The following GSK3B variants were observed in gnomAD, a reference collection of about 807,000 sequenced individuals.
GSK3B encodes the protein glycogen synthase kinase-3 beta.
A neutral mutation model predicts 56.4 loss-of-function variants in GSK3B; 15 were observed. The observed-to-expected ratio is 0.27, with a 90% CI of 0.18 to 0.41. The LOEUF is 0.41. GSK3B is among the 10% of genes least tolerant of loss of function. The pLI, the probability that GSK3B is intolerant of heterozygous loss-of-function variation, is 1.00. For missense variants in GSK3B, 300 were observed against 513.4 expected, an observed-to-expected ratio of 0.58 and a Z score of 4.02; for synonymous variants, 181 against 188.9, an observed-to-expected ratio of 0.96 and a Z score of 0.34.
At chr3:119,961,222 C>A (rs1251618879) in intron 2 of GSK3B, among the ~76,000 whole-genome samples, 1 of 152,158 alleles carries the variant, frequency 6.6e-6, no homozygotes, top group Non-Finnish European at 1.5e-5. Context: ...GCCCTATCCT[C>A]ACAGGGCCAG....
At chr3:119,884,318 G>C (rs2056411051) in intron 7 of GSK3B, among the ~76,000 whole-genome samples, 2 of 152,288 alleles carry the variant, frequency 1.3e-5, no homozygotes, top group South Asian at 4.1e-4. Flanking sequence ...GAGGTCACGG[G>C]AAGAGCAAGC....
intron 9 of GSK3B, among the ~76,000 whole-genome samples, chr3:119,858,608 T>C (rs184539147): frequency 7.7e-4 from 117 of 152,304 alleles, no homozygotes; most frequent in African/African-American, 2.7e-3. Flanking sequence ...TACTTCTTTG[T>C]GTGTTCACTG....
intron 2 of GSK3B, among the ~76,000 whole-genome samples, chr3:119,954,398 G>C (rs963262278): frequency 4.4e-5 from 6 of 137,466 alleles, no homozygotes; most frequent in African/African-American, 1.9e-4. Context: ...TTTACATACA[G>C]TAAGGGTTTT....
intron 7 of GSK3B, among the ~76,000 whole-genome samples, chr3:119,878,685 T>C (rs1013015886): frequency 2.6e-5 from 4 of 152,146 alleles, no homozygotes; most frequent in Admixed American, 2.0e-4. Context: ...TTTTTTTAAC[T>C]GCTAAACAGT....
At chr3:120,042,225 C>A (rs80078315) in intron 1 of GSK3B, among the ~76,000 whole-genome samples, 26 of 152,266 alleles carry the variant, frequency 1.7e-4, no homozygotes, top group African/African-American at 6.0e-4. Context: ...TCCTTACCTT[C>A]CTCCTCCTAC....
chr3:119,840,153 T>A (rs1408541508), intron 10 of GSK3B, among the ~76,000 whole-genome samples: 2 of 152,146 alleles, frequency 1.3e-5, no homozygotes, highest in African/African-American at 4.8e-5. Context: ...TAGGTTCTTT[T>A]GTCATAAGAG....
chr3:119,878,096 T>A (rs1235674274), intron 7 of GSK3B, among the ~76,000 whole-genome samples: 1 of 152,220 alleles, frequency 6.6e-6, no homozygotes, highest in Non-Finnish European at 1.5e-5. Context: ...TTGTTGGTTC[T>A]AATTCTCTAG....
At chr3:119,943,422 G>T (rs1246742378) in intron 3 of GSK3B, among the ~76,000 whole-genome samples, 4 of 152,082 alleles carry the variant, frequency 2.6e-5, no homozygotes, top group South Asian at 4.1e-4. Flanking sequence ...TGAGGCAAGA[G>T]AAAAAAATCT....
At chr3:120,049,548 C>T (rs914696145) in intron 1 of GSK3B, among the ~76,000 whole-genome samples, 3 of 152,150 alleles carry the variant, frequency 2.0e-5, no homozygotes, top group African/African-American at 7.2e-5. Flanking sequence ...AAAGCATATA[C>T]TAGAGACAAA....
chr3:119,874,545 A>C (rs1008410686), intron 8 of GSK3B, among the ~76,000 whole-genome samples: 3 of 151,918 alleles, frequency 2.0e-5, no homozygotes, highest in Non-Finnish European at 4.4e-5. Context: ...AAATAATAAT[A>C]ATAATAATGG....
chr3:119,953,020 A>G (rs147645856), intron 2 of GSK3B, among the ~76,000 whole-genome samples: 232 of 152,286 alleles, frequency 1.5e-3, no homozygotes, highest in Middle Eastern at 3.4e-3. Context: ...AGTTGGGTTT[A>G]TAACGTAAAT....
At chr3:119,933,780 G>A (rs1010461434) in intron 3 of GSK3B, among the ~76,000 whole-genome samples, 4 of 152,220 alleles carry the variant, frequency 2.6e-5, no homozygotes, top group Non-Finnish European at 5.9e-5. Context: ...GGGAGGCCAA[G>A]GCAGGAGAAT....
intron 2 of GSK3B, among the ~76,000 whole-genome samples, chr3:119,949,088 G>A (rs1260992907): frequency 2.6e-5 from 4 of 152,160 alleles, no homozygotes; most frequent in African/African-American, 9.7e-5. Flanking sequence ...ATAACATACA[G>A]CTATTAAGAC....
At chr3:119,983,478 G>A (rs756297803) in intron 2 of GSK3B, among the ~76,000 whole-genome samples, 36 of 150,858 alleles carry the variant, frequency 2.4e-4, no homozygotes, top group Non-Finnish European at 1.5e-4. Flanking sequence ...ATGCAAAGAC[G>A]CACACAGACT....
In GSK3B at chr3:120,081,255, G is replaced by GA. The variant is rs764944320; in HGVS notation, c.88+12091dup. On this transcript the variant is annotated intron_variant, in intron 1 of 10. Coordinates refer to ENST00000264235, the MANE Select transcript of GSK3B (RefSeq NM_001146156.2). ...CCTACTATCATTCCTTCACATTTAA[G>GA]AAAAAAAAAAAAAACAGGGTCGGGC... 8.8e-3 allele frequency among the ~76,000 whole-genome samples: 1,119 copies of GA among 127,280 alleles called. 2 individuals carry two copies. Among genetic ancestry groups the GA allele is most frequent in the African/African-American group, 0.018 (630 of 34,694 alleles). The allele number at this position is 127,280 out of a possible 152,430, so 83.5% of individuals were successfully genotyped here. A position where few individuals can be genotyped will look rare whatever the true frequency, so the allele number is the denominator to read the frequency against.
chr3:119,963,140 G>A (rs1391875451), intron 2 of GSK3B, among the ~76,000 whole-genome samples: 5 of 152,126 alleles, frequency 3.3e-5, no homozygotes, highest in African/African-American at 1.2e-4. Context: ...ACTTAACCAA[G>A]GAGGTGAAAG....
At chr3:120,077,207 A>G (rs2058374142) in intron 1 of GSK3B, among the ~76,000 whole-genome samples, 1 of 152,220 alleles carries the variant, frequency 6.6e-6, no homozygotes, top group Admixed American at 6.5e-5. Context: ...CTTCGTAAAG[A>G]TATCTGCATT....
rs190220041 is a variant in GSK3B at position 119,975,138 on chromosome 3, T to C, written c.282+26908A>G. On this transcript the variant is annotated intron_variant, in intron 2 of 10. Transcript: ENST00000264235. Reference sequence around the variant, plus strand: ...TGATATATCCATAAATAAAATATTATTCAGCACTAGAAAGAAATGAGCTAT... The same window carrying C: ...TGATATATCCATAAATAAAATATTACTCAGCACTAGAAAGAAATGAGCTAT... Among the ~76,000 whole-genome samples, 72 of 152,270 alleles carry C rather than the reference T, an allele frequency of 4.7e-4. No homozygotes were observed. In the East Asian group the frequency reaches 0.011, roughly 22 times the overall value.
In GSK3B at chr3:119,822,025, C is replaced by G. The variant is rs1462216390; in HGVS notation, c.*4763G>C. 1 of 192,518 alleles carries G rather than the reference C, an allele frequency of 5.2e-6. No homozygotes were observed. Among genetic ancestry groups the G allele is most frequent in the African/African-American group, 2.3e-5 (1 of 42,906 alleles). The allele number at this position is 192,518 out of a possible 1,614,324, so 11.9% of individuals were successfully genotyped here. A position where few individuals can be genotyped will look rare whatever the true frequency, so the allele number is the denominator to read the frequency against. ...ACAGTACCAGTTAACTATTTCCAAA[C>G]CAAGTCACATAGAACAAAATGTATT... On this transcript the variant is annotated 3_prime_UTR_variant, in exon 11 of 11. Transcript: ENST00000264235.
Sources: allele counts gnomAD v4.1 joint callset (sites outside exome capture counted in the v4.1 genomes callset), GRCh38; gene constraint gnomAD v4.1.1; transcripts MANE v1.5; gene names NCBI Gene and HGNC (gene_info 2026-07-23, HGNC 2026-07-21).